The following HUWE1 variants were observed in gnomAD, a reference collection of about 807,000 sequenced individuals.
HUWE1 encodes E3 ubiquitin-protein ligase HUWE1.
HUWE1 carries 18 observed loss-of-function variants against 299.4 expected under a neutral mutation model. That is an observed-to-expected ratio of 0.06 (90% confidence interval 0.04 to 0.09). The LOEUF (loss-of-function observed/expected upper bound fraction) is 0.09, where lower values mean the gene tolerates loss of function less well. Among genes scored for constraint, HUWE1 ranks in the 10% least tolerant of loss-of-function variants. The pLI is 1.00. For missense variants in HUWE1, 1,832 were observed against 3,462.3 expected (o/e 0.53, Z 11.82); for synonymous variants, 1,317 against 1,286.1 (o/e 1.02, Z -0.51).
intron 9 of HUWE1, chrX:53,631,924 G>A (rs1603211259): frequency 2.9e-6 from 1 of 343,573 alleles, no homozygotes; most frequent in East Asian, 5.9e-5. Flanking sequence ...AGTATTAATA[G>A]CAAAGACCAA....
intron 43 of HUWE1, chrX:53,579,944 T>TA (rs1248389067): frequency 0.13 from 9,042 of 68,853 alleles, 542 homozygotes; most frequent in Non-Finnish European, 0.18. Context: ...GAATGATCAA[T>TA]AAAAAAAAAA....
intron 45 of HUWE1, 151 bp downstream of exon 45, chrX:53,575,492 C>T: frequency 3.2e-6 from 2 of 620,705 alleles, no homozygotes; most frequent in Non-Finnish European, 5.1e-6. Context: ...TCTCCAGGGA[C>T]ACCCCAATTT....
At position 53,645,291 on chromosome X, in the gene HUWE1, A is replaced by G. The variant is rs781935703; in HGVS notation, c.504+20T>C. On this transcript the variant is annotated intron_variant, in intron 7 of 83. Transcript: ENST00000262854. ...ATGCTCCAATTTTTGCACCCCTCCA[A>G]CTCTTCACCCAAGACTCACCTCTGC... 2.5e-6 allele frequency: 3 copies of G among 1,208,995 alleles called. No individual in the cohort carries two copies. The highest frequency in any genetic ancestry group is 3.4e-6 in the Non-Finnish European group (3 of 894,216).
At position 53,654,128 on chromosome X, in the gene HUWE1, C is replaced by A; in HGVS notation, c.-21G>T. The A allele has an allele frequency of 1.8e-6, 2 of 1,135,720 alleles. No homozygotes were observed. Among genetic ancestry groups the A allele is most frequent in the Non-Finnish European group, 2.4e-6 (2 of 830,754 alleles). 93.6% of individuals were successfully genotyped at this position (1,135,720 alleles called of 1,213,427 possible). ...TTCATGATTTCAATTTTCAGCTTTACGATCTGAAAAAAGAAAATCCCAAAA... is the reference window on the plus strand; with the variant it reads ...TTCATGATTTCAATTTTCAGCTTTAAGATCTGAAAAAAGAAAATCCCAAAA... On this transcript the variant is annotated 5_prime_UTR_variant, in exon 4 of 84. Coordinates refer to ENST00000262854, the MANE Select transcript of HUWE1 (RefSeq NM_031407.7).
chrX:53,562,315 G>A lies in HUWE1; in HGVS notation c.7205-71C>T, dbSNP rs956471980. The A allele has an allele frequency of 5.2e-6, 6 of 1,144,036 alleles. No individual in the cohort carries two copies. In the African/African-American group the frequency reaches 1.1e-4, roughly 20 times the overall value. 94.3% of individuals were successfully genotyped at this position (1,144,036 alleles called of 1,213,427 possible). On this transcript the variant is annotated intron_variant, in intron 53 of 83. Transcript: ENST00000262854. ...AAACAGGCTACTGTGCAGGCCAGCA[G>A]GCTGAGTGGGAAGGTGATGGGATAT...
At chrX:53,540,343 T>TTC (rs2061282320) in intron 74 of HUWE1, among the ~76,000 whole-genome samples, 1 of 110,583 alleles carries the variant, frequency 9.0e-6, no homozygotes, top group African/African-American at 3.3e-5. Flanking sequence ...TTTTTTTTTT[T>TTC]TCCCTGAGAC....
Position 53,626,888 on chromosome X carries a change from G to A in HUWE1, c.1489+522C>T, listed in dbSNP as rs781933212. Among the ~76,000 whole-genome samples, 433 of 111,077 alleles carry A rather than the reference G, an allele frequency of 3.9e-3. 1 individual carries two copies. The highest frequency in any genetic ancestry group is 0.014 in the African/African-American group (412 of 30,516). On this transcript the variant is annotated intron_variant, in intron 17 of 83. Transcript: ENST00000262854. ...TTGCCATGTTGCCCAGGCTGGCCTC[G>A]AACCCCTGGGCTCAAGTGATGTGCC...
At chrX:53,581,107 A>ACTGCTGCCATCTCGGCTCATTGC in intron 42 of HUWE1, 81 bp from the exon 43 acceptor site, 1 of 829,332 alleles carries the variant, frequency 1.2e-6, no homozygotes. Flanking sequence ...ACCAAGACTA[A>ACTGCTGCCATCTCGGCTCATTGC]AAGCTTTTGA....
chrX:53,658,827 G>A (rs2068867839), intron 3 of HUWE1, among the ~76,000 whole-genome samples: 1 of 112,575 alleles, frequency 8.9e-6, no homozygotes, highest in Non-Finnish European at 1.9e-5. Context: ...ACAAAGGACT[G>A]TTACCCAAGA....
rs2061216968 is a variant in HUWE1, at chrX:53,539,094, T to C, written c.11633-14A>G. 7.5e-6 allele frequency: 9 copies of C among 1,205,008 alleles called. No individual in the cohort carries two copies. The East Asian group carries it at 2.7e-4, about 36-fold the overall frequency. ...CAGGCTGTAGCACTAGGGTTAGGAA[T>C]GATGGAGAAGTAACATTTTACTCTG... On this transcript the variant is annotated splice_polypyrimidine_tract_variant and intron_variant, in intron 75 of 83. Transcript: ENST00000262854.
intron 6 of HUWE1, among the ~76,000 whole-genome samples, chrX:53,645,736 AATAT>A (rs1175668846): frequency 1.3e-3 from 34 of 26,121 alleles, no homozygotes; most frequent in South Asian, 7.7e-3. Context: ...AAAAAAAAAA[AATAT>A]ATATATATAT....
At chrX:53,540,505 T>G (rs782209857) in intron 74 of HUWE1, among the ~76,000 whole-genome samples, 131 of 111,703 alleles carry the variant, frequency 1.2e-3, no homozygotes, top group African/African-American at 4.2e-3. Flanking sequence ...ATTTTTGTAT[T>G]TTTAGTAGAG....
chrX:53,591,204 G>T, intron 33 of HUWE1, 82 bp from the exon 34 acceptor site: 2 of 1,093,553 alleles, frequency 1.8e-6, no homozygotes, highest in South Asian at 3.9e-5. Context: ...TTTCAAGATG[G>T]AAATAACTTT....
At chrX:53,591,940 G>T (rs1188198424) in intron 33 of HUWE1, among the ~76,000 whole-genome samples, 1 of 112,192 alleles carries the variant, frequency 8.9e-6, no homozygotes, top group Non-Finnish European at 1.9e-5. Context: ...GATGGAAGTG[G>T]CAGGACTTTA....
Position 53,599,942 on chromosome X carries a change from C to T in HUWE1, c.3163+176G>A, listed in dbSNP as rs1421301982. On this transcript the variant is annotated intron_variant, in intron 29 of 83. Transcript: ENST00000262854. ...GAAGGGATTCTGTCATGTCTGTATC[C>T]GTAGCAGCTAGTACAAAGCCTGTCA... Among the ~76,000 whole-genome samples the T allele has an allele frequency of 5.4e-5, 6 of 111,909 alleles. No individual in the cohort carries two copies. In the East Asian group the frequency reaches 1.4e-3, roughly 26 times the overall value.
chrX:53,626,748 C>T (rs1389319883), intron 17 of HUWE1, among the ~76,000 whole-genome samples: 5 of 111,720 alleles, frequency 4.5e-5, no homozygotes, highest in Non-Finnish European at 9.4e-5. Context: ...ATCACTGCAG[C>T]CTCAAACTCC....
intron 29 of HUWE1, among the ~76,000 whole-genome samples, chrX:53,599,139 G>C (rs929951760): frequency 4.5e-5 from 5 of 112,258 alleles, no homozygotes; most frequent in African/African-American, 1.6e-4. Context: ...AAGAGAAACA[G>C]TATATGGACT....
chrX:53,579,018 C>A (rs868966503), intron 43 of HUWE1, among the ~76,000 whole-genome samples: 1 of 43,843 alleles, frequency 2.3e-5, no homozygotes, highest in Admixed American at 2.6e-4. Context: ...CCGCCCCGTC[C>A]GGGAGGGAGG....
At chrX:53,624,148 C>T (rs1557014843) in intron 19 of HUWE1, among the ~76,000 whole-genome samples, 2 of 111,349 alleles carry the variant, frequency 1.8e-5, no homozygotes, top group South Asian at 3.8e-4. Flanking sequence ...TGACATTTGT[C>T]TACTGTCCAG....
Sources: allele counts gnomAD v4.1 joint callset (sites outside exome capture counted in the v4.1 genomes callset), GRCh38; gene constraint gnomAD v4.1.1; transcripts MANE v1.5; gene names NCBI Gene and HGNC (gene_info 2026-07-23, HGNC 2026-07-21).